The following DLG2 variants were observed in gnomAD, a reference collection of about 807,000 sequenced individuals.
The protein encoded by DLG2 is discs large MAGUK scaffold protein 2.
DLG2 carries 45 observed loss-of-function variants against 132.5 expected under a neutral mutation model. That is an observed-to-expected ratio of 0.34 (90% CI 0.27 to 0.44). DLG2 has a LOEUF of 0.44. Among genes scored for constraint, DLG2 ranks in the 20% least tolerant of loss-of-function variants. The pLI is 1.00. For synonymous variants in DLG2, 424 were observed against 419.6 expected (o/e 1.01, Z -0.13); for missense variants, 1,045 against 1,196.9 (o/e 0.87, Z 1.87).
chr11:83,520,695 G>GTAGATAGATAGA (rs72459775), intron 21 of DLG2, among the ~76,000 whole-genome samples: 5,213 of 149,096 alleles, frequency 0.035, 136 homozygotes, highest in East Asian at 0.12. Flanking sequence ...AAGTAGGTAG[G>GTAGATAGATAGA]TAGATAGATA....
At chr11:83,772,663 GA>G (rs1337501355) in intron 18 of DLG2, among the ~76,000 whole-genome samples, 6 of 152,110 alleles carry the variant, frequency 3.9e-5, no homozygotes, top group African/African-American at 1.2e-4. Context: ...TCTGATTTGG[GA>G]AAATATCTTT....
intron 7 of DLG2, among the ~76,000 whole-genome samples, chr11:84,318,759 G>A (rs573413962): frequency 2.0e-5 from 3 of 152,148 alleles, no homozygotes; most frequent in African/African-American, 7.2e-5. Flanking sequence ...AAACACGTTT[G>A]TTCAATAATA....
At chr11:84,314,324 A>T (rs1418426450) in intron 7 of DLG2, among the ~76,000 whole-genome samples, 1 of 152,212 alleles carries the variant, frequency 6.6e-6, no homozygotes, top group African/African-American at 2.4e-5. Flanking sequence ...AATATTTCAC[A>T]GGATATTCCC....
intron 3 of DLG2, 59 bp from the exon 4 acceptor site, chr11:85,285,424 C>A: frequency 6.5e-7 from 1 of 1,530,504 alleles, no homozygotes; most frequent in Non-Finnish European, 8.9e-7. Flanking sequence ...TAAATAGCTT[C>A]TGCATATATG....
chr11:85,526,355 A>G (rs535955141), intron 3 of DLG2, among the ~76,000 whole-genome samples: 46 of 152,290 alleles, frequency 3.0e-4, no homozygotes, highest in Admixed American at 7.8e-4. Context: ...CAGACTTCTC[A>G]TCAGAAAAAT....
At chr11:84,043,244 TA>T (rs2096144552) in intron 11 of DLG2, among the ~76,000 whole-genome samples, 2 of 151,606 alleles carry the variant, frequency 1.3e-5, no homozygotes, top group South Asian at 4.1e-4. Flanking sequence ...ATTTTTAAAT[TA>T]TTTCCTTTGG....
chr11:84,845,026 T>C (rs1263100222), intron 6 of DLG2, among the ~76,000 whole-genome samples: 1 of 152,092 alleles, frequency 6.6e-6, no homozygotes, highest in Non-Finnish European at 1.5e-5. Flanking sequence ...ATTTTATTAT[T>C]CCAATCATAG....
intron 7 of DLG2, among the ~76,000 whole-genome samples, chr11:84,499,100 T>A (rs149727083): frequency 6.6e-6 from 1 of 152,230 alleles, no homozygotes; most frequent in Non-Finnish European, 1.5e-5. Flanking sequence ...AATTTTAACA[T>A]CTTCCAAACA....
intron 6 of DLG2, among the ~76,000 whole-genome samples, chr11:84,826,301 T>C (rs2078322887): frequency 6.6e-6 from 1 of 151,926 alleles, no homozygotes; most frequent in African/African-American, 2.4e-5. Flanking sequence ...TATTTATTCT[T>C]TCTAACTATT....
intron 6 of DLG2, among the ~76,000 whole-genome samples, chr11:84,912,563 C>A (rs1029254947): frequency 1.3e-5 from 2 of 152,360 alleles, no homozygotes; most frequent in Admixed American, 1.3e-4. Context: ...CATTACTAAC[C>A]ATTTCAATTA....
intron 6 of DLG2, among the ~76,000 whole-genome samples, chr11:84,603,491 G>A (rs1017746745): frequency 6.6e-6 from 1 of 151,912 alleles, no homozygotes; most frequent in African/African-American, 2.4e-5. Flanking sequence ...TTTTAGATGT[G>A]AAAGGATGCA....
intron 4 of DLG2, among the ~76,000 whole-genome samples, chr11:85,272,162 G>C (rs1273166205): frequency 6.6e-6 from 1 of 152,130 alleles, no homozygotes; most frequent in East Asian, 1.9e-4. Context: ...GGTCTCACAA[G>C]ACTTGATGGT....
chr11:83,520,639 G>GTAGGTAGATAGATAGATAGATAGA (rs1177747631), intron 21 of DLG2, among the ~76,000 whole-genome samples: 24 of 148,068 alleles, frequency 1.6e-4, no homozygotes, highest in South Asian at 2.2e-4. Context: ...AGGTAGGTAG[G>GTAGGTAGATAGATAGATAGATAGA]TAGATAGATA....
chr11:84,957,707 G>A (rs1007370951), intron 6 of DLG2, among the ~76,000 whole-genome samples: 2 of 152,156 alleles, frequency 1.3e-5, no homozygotes, highest in Non-Finnish European at 2.9e-5. Flanking sequence ...ACCAGGACTG[G>A]CAGAAAATTG....
At chr11:84,558,053 T>C (rs1459967511) in intron 6 of DLG2, among the ~76,000 whole-genome samples, 1 of 152,174 alleles carries the variant, frequency 6.6e-6, no homozygotes, top group Non-Finnish European at 1.5e-5. Context: ...CGACAGGATT[T>C]ATAGATACAT....
In DLG2 at chr11:83,853,854, C is replaced by T. The variant is rs766552805; in HGVS notation, c.1566-20084G>A. ...AATGTTCCCTTTCACCACCGCCTTT[C>T]GTCATCATACTGCAAGTTCTAGTTA... On this transcript the variant is annotated intron_variant, in intron 16 of 27. Coordinates refer to ENST00000376104, the MANE Select transcript of DLG2 (RefSeq NM_001142699.3). Among the ~76,000 whole-genome samples, 9 of 152,178 alleles carry T rather than the reference C, an allele frequency of 5.9e-5. No individual in the cohort carries two copies. The South Asian group carries it at 6.2e-4, about 11-fold the overall frequency.
intron 6 of DLG2, among the ~76,000 whole-genome samples, chr11:85,056,868 C>T (rs550797242): frequency 3.3e-5 from 5 of 151,900 alleles, no homozygotes; most frequent in East Asian, 1.9e-4. Flanking sequence ...AATTCAAAAA[C>T]GTAGGCAAAA....
intron 19 of DLG2, among the ~76,000 whole-genome samples, chr11:83,551,407 T>C (rs755559692): frequency 7.9e-5 from 12 of 152,130 alleles, no homozygotes; most frequent in Non-Finnish European, 1.5e-4. Context: ...AGGTGCTGGA[T>C]AAAACTCGTT....
At chr11:84,868,121 T>A (rs2084902512) in intron 6 of DLG2, among the ~76,000 whole-genome samples, 1 of 147,876 alleles carries the variant, frequency 6.8e-6, no homozygotes, top group Non-Finnish European at 1.5e-5. Flanking sequence ...ATATTAATAA[T>A]TATATTTATT....
Sources: allele counts gnomAD v4.1 joint callset (sites outside exome capture counted in the v4.1 genomes callset), GRCh38; gene constraint gnomAD v4.1.1; transcripts MANE v1.5; gene names NCBI Gene and HGNC (gene_info 2026-07-23, HGNC 2026-07-21).